Variants in PTPRG observed in about 807,000 individuals in gnomAD.
PTPRG encodes protein tyrosine phosphatase receptor type G.
In PTPRG, 102 loss-of-function variants were observed where a neutral mutation model predicts 165.3. That is an observed-to-expected ratio of 0.62 (90% CI 0.53 to 0.73). PTPRG has a LOEUF of 0.73. PTPRG is among the 30% of genes least tolerant of loss of function. The probability of loss-of-function intolerance (pLI) is 0.00; values close to 1 mark genes in which losing one functional copy is unlikely to be tolerated. For missense variants in PTPRG, 1,866 were observed against 1,861.4 expected (o/e 1.00, Z -0.05); for synonymous variants, 675 against 669.5 (o/e 1.01, Z -0.13).
At chr3:61,994,559 G>A (rs1352724245) in intron 3 of PTPRG, among the ~76,000 whole-genome samples, 1 of 152,138 alleles carries the variant, frequency 6.6e-6, no homozygotes, top group East Asian at 1.9e-4. Context: ...GTATAGATGG[G>A]GAAGTCAAGA....
chr3:62,232,938 C>A (rs1006740082), intron 14 of PTPRG, among the ~76,000 whole-genome samples: 1 of 152,222 alleles, frequency 6.6e-6, no homozygotes, highest in Non-Finnish European at 1.5e-5. Flanking sequence ...CTGCCACTTC[C>A]TGGCCCTGCG....
At chr3:61,681,020 A>G (rs1386855637) in intron 1 of PTPRG, among the ~76,000 whole-genome samples, 1 of 135,224 alleles carries the variant, frequency 7.4e-6, no homozygotes, top group African/African-American at 2.7e-5. Flanking sequence ...TTTGCTTTTT[A>G]GTGAGATTGA....
intron 1 of PTPRG, among the ~76,000 whole-genome samples, chr3:61,712,138 C>T (rs1018733354): frequency 2.0e-5 from 3 of 152,128 alleles, no homozygotes; most frequent in African/African-American, 7.2e-5. Flanking sequence ...AGGTGACCCG[C>T]CTGCCTTGGC....
chr3:61,998,144 G>T (rs1163136737), intron 3 of PTPRG, among the ~76,000 whole-genome samples: 1 of 152,156 alleles, frequency 6.6e-6, no homozygotes, highest in Non-Finnish European at 1.5e-5. Flanking sequence ...AACAGTTGGG[G>T]GATGTCCTGC....
intron 14 of PTPRG, among the ~76,000 whole-genome samples, chr3:62,239,556 G>A (rs1451040289): frequency 6.6e-6 from 1 of 151,666 alleles, no homozygotes; most frequent in African/African-American, 2.4e-5. Flanking sequence ...TTTTAGTATA[G>A]ACGGGGTTTC....
At chr3:62,086,643 G>A (rs1322872794) in intron 5 of PTPRG, among the ~76,000 whole-genome samples, 2 of 152,100 alleles carry the variant, frequency 1.3e-5, no homozygotes, top group African/African-American at 2.4e-5. Flanking sequence ...ACATTACCTA[G>A]AAGTGCAATT....
intron 1 of PTPRG, among the ~76,000 whole-genome samples, chr3:61,690,085 C>CT (rs1421298985): frequency 6.6e-6 from 1 of 152,230 alleles, no homozygotes; most frequent in East Asian, 1.9e-4. Context: ...TCTTTGGACA[C>CT]TGTCTCAACC....
intron 6 of PTPRG, among the ~76,000 whole-genome samples, chr3:62,156,866 T>C (rs1304427790): frequency 6.6e-6 from 1 of 152,172 alleles, no homozygotes; most frequent in Non-Finnish European, 1.5e-5. Flanking sequence ...ACTGTGGTAC[T>C]GGTGTCCTCA....
At chr3:61,723,986 C>A (rs1408941353) in intron 1 of PTPRG, among the ~76,000 whole-genome samples, 6 of 152,178 alleles carry the variant, frequency 3.9e-5, no homozygotes, top group African/African-American at 1.4e-4. Context: ...AATCCCAGCA[C>A]TTTGGGAGGC....
At chr3:61,712,025 C>G (rs899673653) in intron 1 of PTPRG, among the ~76,000 whole-genome samples, 9 of 151,626 alleles carry the variant, frequency 5.9e-5, no homozygotes, top group East Asian at 2.0e-4. Context: ...TCCCAAGTAG[C>G]TGGGATTATA....
chr3:61,681,937 G>A (rs1703454919), intron 1 of PTPRG, among the ~76,000 whole-genome samples: 1 of 152,098 alleles, frequency 6.6e-6, no homozygotes, highest in South Asian at 2.1e-4. Flanking sequence ...ATCACTTAAG[G>A]TCAAGAGATC....
chr3:62,087,829 G>A (rs1236864952), intron 5 of PTPRG, among the ~76,000 whole-genome samples: 2 of 152,196 alleles, frequency 1.3e-5, no homozygotes, highest in African/African-American at 2.4e-5. Context: ...GCTGATAGCT[G>A]AAGAGGTATT....
intron 2 of PTPRG, among the ~76,000 whole-genome samples, chr3:61,852,080 T>C (rs760101420): frequency 1.3e-5 from 2 of 152,142 alleles, no homozygotes; most frequent in Non-Finnish European, 2.9e-5. Context: ...GATGGTAAAA[T>C]ATTTTGAGTT....
At chr3:61,721,609 TG>T (rs1450096636) in intron 1 of PTPRG, among the ~76,000 whole-genome samples, 1 of 152,218 alleles carries the variant, frequency 6.6e-6, no homozygotes, top group African/African-American at 2.4e-5. Context: ...CTTTGTGTCC[TG>T]TTTTTCATAT....
chr3:61,916,299 A>G (rs1216094262), intron 2 of PTPRG, among the ~76,000 whole-genome samples: 1 of 152,214 alleles, frequency 6.6e-6, no homozygotes, highest in Non-Finnish European at 1.5e-5. Context: ...TTTAATGAAA[A>G]TATAGTTTGA....
intron 5 of PTPRG, among the ~76,000 whole-genome samples, chr3:62,120,270 C>T (rs1034408372): frequency 8.6e-5 from 13 of 151,508 alleles, no homozygotes; most frequent in Middle Eastern, 3.4e-3. Flanking sequence ...ATCCAGGATA[C>T]GGTTAGACCA....
intron 7 of PTPRG, 34 bp from the exon 8 acceptor site, chr3:62,167,937 T>TC: frequency 1.3e-6 from 2 of 1,563,440 alleles, no homozygotes; most frequent in Non-Finnish European, 8.8e-7. Flanking sequence ...TGTTGTTTTT[T>TC]TTTTCCCCCT....
chr3:62,123,276 T>C (rs1199817897), intron 5 of PTPRG, among the ~76,000 whole-genome samples: 1 of 152,194 alleles, frequency 6.6e-6, no homozygotes, highest in Non-Finnish European at 1.5e-5. Context: ...CTTTAGCTGT[T>C]GGCCAAAGGC....
chr3:62,255,549 A>G lies in PTPRG; in HGVS notation c.2559+334A>G, dbSNP rs1379743400. Among the ~76,000 whole-genome samples the G allele has an allele frequency of 1.3e-5, 2 of 152,092 alleles. No homozygotes were observed. The highest frequency in any genetic ancestry group is 2.9e-5 in the Non-Finnish European group (2 of 68,014). On this transcript the variant is annotated intron_variant, in intron 16 of 29. Coordinates refer to ENST00000474889, the MANE Select transcript of PTPRG (RefSeq NM_002841.4). This position sits in a 1 kb window ranked among gnomAD's most constrained non-coding sequence, Gnocchi z 4.0. ...TCATAACACAAGGCTCCCTAATTCCATGTCTTTTCTGCAATGCACATGGTA... is the reference window on the plus strand; with the variant it reads ...TCATAACACAAGGCTCCCTAATTCCGTGTCTTTTCTGCAATGCACATGGTA...
Sources: allele counts gnomAD v4.1 joint callset (sites outside exome capture counted in the v4.1 genomes callset), GRCh38; gene constraint gnomAD v4.1.1; non-coding constraint Gnocchi (gnomAD v3.1); transcripts MANE v1.5; gene names NCBI Gene and HGNC (gene_info 2026-07-23, HGNC 2026-07-21).